Variants in MRTFA observed in about 807,000 individuals in gnomAD.
The protein encoded by MRTFA is myocardin-related transcription factor A.
Under a neutral mutation model 83.5 loss-of-function variants are expected in MRTFA, and 20 were observed. That is an observed-to-expected ratio of 0.24 (90% confidence interval 0.17 to 0.35). The LOEUF is 0.35. Among genes scored for constraint, MRTFA ranks in the 10% least tolerant of loss-of-function variants. MRTFA has a pLI of 1.00. For synonymous variants in MRTFA, 659 were observed against 541.2 expected, an observed-to-expected ratio of 1.22 and a Z score of -3.02; for missense variants, 1,200 against 1,224.7, an observed-to-expected ratio of 0.98 and a Z score of 0.30.
chr22:40,536,497 C>G (rs1226055443), intron 3 of MRTFA, among the ~76,000 whole-genome samples: 23 of 139,478 alleles, frequency 1.6e-4, no homozygotes, highest in African/African-American at 5.8e-4. Flanking sequence ...CCCAAAGTGC[C>G]GAGATTGCAG....
At chr22:40,572,203 C>G (rs906069135) in intron 2 of MRTFA, among the ~76,000 whole-genome samples, 1 of 152,000 alleles carries the variant, frequency 6.6e-6, no homozygotes, top group African/African-American at 2.4e-5. Context: ...TTGGGGGGAA[C>G]AGGGAGATAG....
intron 3 of MRTFA, among the ~76,000 whole-genome samples, chr22:40,482,060 CAA>C (rs35483565): frequency 3.1e-4 from 31 of 99,302 alleles, no homozygotes; most frequent in Non-Finnish European, 3.2e-4. Context: ...ACTCCCATCT[CAA>C]AAAAAAAAAA....
At chr22:40,570,427 A>T (rs1199385156) in intron 2 of MRTFA, among the ~76,000 whole-genome samples, 4 of 151,442 alleles carry the variant, frequency 2.6e-5, no homozygotes. Flanking sequence ...AAATACAAAA[A>T]ATTAGCCTGG....
At position 40,516,017 on chromosome 22, in the gene MRTFA, T is replaced by A. The variant is rs1289756412; in HGVS notation, c.241+36089A>T. Among the ~76,000 whole-genome samples, 2 of 152,158 alleles carry A rather than the reference T, an allele frequency of 1.3e-5. 1 individual carries two copies. The highest frequency in any genetic ancestry group is 4.1e-4 in the South Asian group (2 of 4,830). On this transcript the variant is annotated intron_variant, in intron 3 of 14. Coordinates refer to ENST00000355630, the MANE Select transcript of MRTFA (RefSeq NM_020831.6). ...TAAACATATATTTAGTAACATTGAA[T>A]CGGTTGACCAAAAGCCTACATGCAA...
In MRTFA at chr22:40,550,003, C is replaced by T. The variant is rs530562448; in HGVS notation, c.241+2103G>A. On this transcript the variant is annotated intron_variant, in intron 3 of 14. Coordinates refer to ENST00000355630, the MANE Select transcript of MRTFA (RefSeq NM_020831.6). ...GACGGAGGCTGCAGTGAGCCAAGGT[C>T]GCATCACTGCACTCCAGCCTGGGCA... is the stretch of plus-strand genomic sequence containing the variant. Among the ~76,000 whole-genome samples the T allele has an allele frequency of 1.2e-4, 18 of 148,848 alleles. No individual in the cohort carries two copies. In the South Asian group the frequency reaches 1.7e-3, roughly 14 times the overall value.
rs376721196 is a variant in MRTFA at position 40,451,029 on chromosome 22, A to C, written c.307+12192T>G. On this transcript the variant is annotated intron_variant, in intron 4 of 14. Transcript: ENST00000355630. ...GCTGCACTGGGTAATTATTAGCATT[A>C]AAATGAAAGTGCTTTGCCATCTGCT... is the stretch of plus-strand genomic sequence containing the variant. Among the ~76,000 whole-genome samples, 46 of 152,342 alleles carry C rather than the reference A, an allele frequency of 3.0e-4. 1 individual carries two copies. The South Asian group carries it at 9.5e-3, about 32-fold the overall frequency.
chr22:40,411,876 G>A lies in MRTFA; in HGVS notation c.2610C>T (p.Ser870=). 2.0e-6 allele frequency: 3 copies of A among 1,483,774 alleles called. No individual in the cohort carries two copies. The highest frequency in any genetic ancestry group is 1.5e-5 in the South Asian group (1 of 68,720). 91.9% of individuals were successfully genotyped at this position (1,483,774 alleles called of 1,614,324 possible). A position where few individuals can be genotyped will look rare whatever the true frequency, so the allele number is the denominator to read the frequency against. Residue 870 remains serine, a synonymous_variant, in exon 15 of 15, where the codon TCC becomes TCT. Transcript: ENST00000355630. ...GGGATGGCTTCTCCTTCCCTGGCAG[G>A]GATGGCGGCTCCTTGAAATCTGCTG...
At chr22:40,424,441 C>T in intron 7 of MRTFA, 60 bp from the exon 8 acceptor site, 1 of 1,571,064 alleles carries the variant, frequency 6.4e-7, no homozygotes, top group South Asian at 1.1e-5. Context: ...TGAGCAGGGA[C>T]AGGCCTGGCT....
In MRTFA at chr22:40,420,590, G is replaced by A; in HGVS notation, c.1182-14C>T. On this transcript the variant is annotated splice_polypyrimidine_tract_variant and intron_variant, in intron 10 of 14. Transcript: ENST00000355630. The stretch of plus-strand genomic sequence containing the variant: ...TCGCCTGCTGACCTGGGAAGAAAAG[G>A]CAGAAATTAGCCCCATCCAGCTTCG... 6.2e-7 allele frequency: 1 copy of A among 1,611,972 alleles called. No individual in the cohort carries two copies. Among genetic ancestry groups the A allele is most frequent in the Non-Finnish European group, 8.5e-7 (1 of 1,179,436 alleles).
chr22:40,606,659 T>C (rs547463371), intron 1 of MRTFA, among the ~76,000 whole-genome samples: 3 of 152,216 alleles, frequency 2.0e-5, no homozygotes, highest in Non-Finnish European at 4.4e-5. Flanking sequence ...TGTGCATGTG[T>C]ATATGCTTCA....
At chr22:40,477,191 A>T (rs1183619593) in intron 3 of MRTFA, among the ~76,000 whole-genome samples, 1 of 149,368 alleles carries the variant, frequency 6.7e-6, no homozygotes, top group African/African-American at 2.5e-5. Context: ...AAAAAAAAAA[A>T]AAAAAAAAAA....
rs72041822 is a variant in MRTFA at position 40,499,914 on chromosome 22, C to CTTTTT, written c.242-36633_242-36629dup. ...ACCTGGACAAGATTTTCAAGTAGAC[C>CTTTTT]TTTTTTTTTTTTTTTTTTTTTTTTT... is the stretch of plus-strand genomic sequence containing the variant. On this transcript the variant is annotated intron_variant, in intron 3 of 14. Transcript: ENST00000355630. Among the ~76,000 whole-genome samples the CTTTTT allele has an allele frequency of 8.8e-3, 745 of 84,942 alleles. 46 individuals carry two copies. Among genetic ancestry groups the CTTTTT allele is most frequent in the African/African-American group, 0.03 (670 of 22,146 alleles). 55.7% of individuals were successfully genotyped at this position (84,942 alleles called of 152,430 possible).
rs556710609 is a variant in MRTFA at position 40,552,315 on chromosome 22, G to A, written c.32C>T (p.Pro11Leu). The A allele has an allele frequency of 4.8e-5, 19 of 399,076 alleles. No individual in the cohort carries two copies. The Admixed American group carries it at 7.9e-4, about 17-fold the overall frequency. The allele number at this position is 399,076 out of a possible 1,614,324, so 24.7% of individuals were successfully genotyped here. A position where few individuals can be genotyped will look rare whatever the true frequency, so the allele number is the denominator to read the frequency against. Reference sequence around the variant, plus strand: ...CAGCCCATTCACAGCAATGACGGAAGGGGGCAGGCACACCACACTGGAGAA... The same window carrying A: ...CAGCCCATTCACAGCAATGACGGAAAGGGGCAGGCACACCACACTGGAGAA... Residue 11 changes from proline to leucine, a missense_variant, in exon 3 of 15, where the codon CCT becomes CTT. Pro to Leu is a moderately conservative substitution (Grantham distance 98). Coordinates refer to ENST00000355630, the MANE Select transcript of MRTFA (RefSeq NM_020831.6).
chr22:40,440,333 A>G (rs2053251855), intron 4 of MRTFA, among the ~76,000 whole-genome samples: 1 of 152,166 alleles, frequency 6.6e-6, no homozygotes, highest in African/African-American at 2.4e-5. Flanking sequence ...CTGCCAGATC[A>G]TTCATTCATC....
chr22:40,569,604 A>T (rs2055755470), intron 2 of MRTFA, among the ~76,000 whole-genome samples: 3 of 152,090 alleles, frequency 2.0e-5, no homozygotes, highest in African/African-American at 7.2e-5. Context: ...GCTGCCTGTA[A>T]TCTCAGCTAC....
At chr22:40,545,828 A>C (rs542084610) in intron 3 of MRTFA, among the ~76,000 whole-genome samples, 2 of 147,364 alleles carry the variant, frequency 1.4e-5, no homozygotes, top group African/African-American at 5.0e-5. Context: ...CCCTCTCCCC[A>C]GTTCAAGCGA....
At chr22:40,592,585 C>T (rs2056137734) in intron 2 of MRTFA, among the ~76,000 whole-genome samples, 1 of 151,694 alleles carries the variant, frequency 6.6e-6, no homozygotes, top group Non-Finnish European at 1.5e-5. Context: ...ACCTCCCAGG[C>T]TCAAGCAATC....
intron 2 of MRTFA, among the ~76,000 whole-genome samples, chr22:40,558,471 C>T (rs2147323747): frequency 6.6e-6 from 1 of 151,988 alleles, no homozygotes; most frequent in South Asian, 2.1e-4. Context: ...TCAGAACAAA[C>T]TTCTTCCTAC....
chr22:40,545,134 T>C (rs114242069), intron 3 of MRTFA, among the ~76,000 whole-genome samples: 108 of 152,212 alleles, frequency 7.1e-4, no homozygotes, highest in African/African-American at 2.6e-3. Context: ...AGCTGAAGCC[T>C]AAGGGCTTAG....
Sources: gnomAD v4.1 joint callset for allele counts (sites outside exome capture counted in the v4.1 genomes callset) on GRCh38, gnomAD v4.1.1 for gene constraint, MANE v1.5 for transcripts, NCBI Gene and HGNC (gene_info 2026-07-23, HGNC 2026-07-21) for gene names.